SDK1: variants seen among roughly 807,000 people sequenced by gnomAD.
SDK1 encodes the protein protein sidekick-1.
SDK1 carries 157 observed loss-of-function variants against 245.5 expected under a neutral mutation model. That is an observed-to-expected ratio of 0.64 (90% confidence interval 0.56 to 0.73). The LOEUF is 0.73. Ranked by LOEUF, SDK1 falls within the 30% of genes least tolerant of loss-of-function variation. The pLI is 0.00. For missense variants in SDK1, 3,583 were observed against 3,002.3 expected (o/e 1.19, Z -4.52); for synonymous variants, 1,647 against 1,278.5 (o/e 1.29, Z -6.15).
chr7:4,003,814 A>T (rs1374150417), intron 14 of SDK1, among the ~76,000 whole-genome samples: 1 of 152,202 alleles, frequency 6.6e-6, no homozygotes, highest in Non-Finnish European at 1.5e-5. Context: ...GTCTAGAGAG[A>T]CAGTCTGTTG....
At chr7:4,227,183 A>G in intron 40 of SDK1, 1 of 317,954 alleles carries the variant, frequency 3.1e-6, no homozygotes, top group Non-Finnish European at 6.2e-6. Flanking sequence ...CATCCATAGA[A>G]GTTCCAAGTC....
intron 1 of SDK1, among the ~76,000 whole-genome samples, chr7:3,609,630 G>C (rs1449211638): frequency 6.6e-6 from 1 of 152,094 alleles, no homozygotes; most frequent in African/African-American, 2.4e-5. Context: ...TCGATTTCCT[G>C]ATCTTATGAT....
intron 1 of SDK1, among the ~76,000 whole-genome samples, chr7:3,417,187 A>G (rs1018296773): frequency 4.6e-5 from 7 of 152,168 alleles, no homozygotes; most frequent in Non-Finnish European, 8.8e-5. Context: ...AACAAAAAAT[A>G]ACAAAAAAAC....
chr7:3,749,789 T>A (rs1454256097), intron 4 of SDK1, among the ~76,000 whole-genome samples: 1 of 152,120 alleles, frequency 6.6e-6, no homozygotes, highest in Admixed American at 6.5e-5. Flanking sequence ...CTAATGGTAG[T>A]CATGGACCCT....
In SDK1 at chr7:3,774,712, T is replaced by A. The variant is rs965544220; in HGVS notation, c.714-46738T>A. On this transcript the variant is annotated intron_variant, in intron 4 of 44. Coordinates refer to ENST00000404826, the MANE Select transcript of SDK1 (RefSeq NM_152744.4). ...TTCCCAGAATCATCCTCTGTATCATTTTTATAATCTGAAAAAAATAGTTGT... is the reference window on the plus strand; with the variant it reads ...TTCCCAGAATCATCCTCTGTATCATATTTATAATCTGAAAAAAATAGTTGT... Among the ~76,000 whole-genome samples, 4 of 152,292 alleles carry A rather than the reference T, an allele frequency of 2.6e-5. No individual in the cohort carries two copies. The East Asian group carries it at 7.7e-4, about 29-fold the overall frequency.
At chr7:3,611,459 G>A (rs1781585421) in intron 1 of SDK1, among the ~76,000 whole-genome samples, 1 of 152,162 alleles carries the variant, frequency 6.6e-6, no homozygotes, top group Admixed American at 6.5e-5. Context: ...GAACTGCCCT[G>A]TCCTCACTGC....
intron 1 of SDK1, among the ~76,000 whole-genome samples, chr7:3,456,539 C>G (rs1186614356): frequency 6.6e-6 from 1 of 152,114 alleles, no homozygotes; most frequent in African/African-American, 2.4e-5. Flanking sequence ...TTGTATTTTT[C>G]AGTTCTTTAA....
intron 8 of SDK1, among the ~76,000 whole-genome samples, chr7:3,961,119 A>G (rs1249299098): frequency 1.3e-5 from 2 of 152,224 alleles, no homozygotes; most frequent in Admixed American, 6.5e-5. Flanking sequence ...TATAGAGACA[A>G]CAGATCTTCC....
chr7:4,241,969 G>C, intron 43 of SDK1, 56 bp downstream of exon 43: 2 of 1,591,768 alleles, frequency 1.3e-6, no homozygotes, highest in African/African-American at 1.3e-5. Flanking sequence ...CCAGGGCTGG[G>C]GTGGCAGCCC....
chr7:4,196,203 C>G (rs915640228), intron 35 of SDK1, among the ~76,000 whole-genome samples: 4 of 152,178 alleles, frequency 2.6e-5, no homozygotes, highest in African/African-American at 7.2e-5. Context: ...CTGGTCACTG[C>G]AACTGGTGGA....
chr7:3,706,449 T>A (rs763132533), intron 4 of SDK1, among the ~76,000 whole-genome samples: 10 of 152,228 alleles, frequency 6.6e-5, no homozygotes, highest in Non-Finnish European at 1.3e-4. Context: ...TCACCCAGGC[T>A]GGAGTGCAGT....
chr7:3,391,456 C>T (rs920569512), intron 1 of SDK1, among the ~76,000 whole-genome samples: 6 of 149,608 alleles, frequency 4.0e-5, no homozygotes, highest in Middle Eastern at 3.5e-3. Flanking sequence ...CTTAAGCGTA[C>T]ATTTGGAAGT....
At chr7:3,724,696 A>G (rs1372272260) in intron 4 of SDK1, among the ~76,000 whole-genome samples, 1 of 152,210 alleles carries the variant, frequency 6.6e-6, no homozygotes, top group African/African-American at 2.4e-5. Flanking sequence ...GAGGTGATTC[A>G]GAGACACGGG....
At chr7:3,923,011 A>G (rs572526079) in intron 5 of SDK1, among the ~76,000 whole-genome samples, 75 of 152,254 alleles carry the variant, frequency 4.9e-4, no homozygotes, top group African/African-American at 1.8e-3. Context: ...CACTGATTTG[A>G]TTGTATGCAC....
rs1049216073 is a variant in SDK1, at chr7:4,225,292, A to G, written c.5827+3928A>G. ...TCTTACAACCGCTTGGGACTCTTCAACTACCTCAAAATGATATGTTTAGCG... is the reference window on the plus strand; with the variant it reads ...TCTTACAACCGCTTGGGACTCTTCAGCTACCTCAAAATGATATGTTTAGCG... On this transcript the variant is annotated intron_variant, in intron 40 of 44. Coordinates refer to ENST00000404826, the MANE Select transcript of SDK1 (RefSeq NM_152744.4). Among the ~76,000 whole-genome samples the G allele has an allele frequency of 5.3e-5, 8 of 152,280 alleles. No individual in the cohort carries two copies. The East Asian group carries it at 1.4e-3, about 26-fold the overall frequency.
In SDK1 at chr7:3,895,702, C is replaced by G. The variant is rs1363807087; in HGVS notation, c.848-55221C>G. On this transcript the variant is annotated intron_variant, in intron 5 of 44. Coordinates refer to ENST00000404826, the MANE Select transcript of SDK1 (RefSeq NM_152744.4). ...AGATCCCTGAAGTCAGACCTTTCTT[C>G]TTTTCTAGTGTAAGTGCTTGATGCC... Among the ~76,000 whole-genome samples, 3 of 152,150 alleles carry G rather than the reference C, an allele frequency of 2.0e-5. No individual in the cohort carries two copies. The East Asian group carries it at 5.8e-4, about 29-fold the overall frequency.
chr7:3,437,762 A>G (rs753905547), intron 1 of SDK1, among the ~76,000 whole-genome samples: 6 of 152,196 alleles, frequency 3.9e-5, no homozygotes, highest in South Asian at 2.1e-4. Flanking sequence ...CAAAAAATTA[A>G]TAATACTAAA....
intron 4 of SDK1, among the ~76,000 whole-genome samples, chr7:3,779,793 G>A (rs868201757): frequency 3.9e-5 from 6 of 151,948 alleles, no homozygotes; most frequent in African/African-American, 7.3e-5. Context: ...TTAGCCGGGC[G>A]CGGTGGCGGG....
chr7:3,744,485 GA>G (rs1779561323), intron 4 of SDK1, among the ~76,000 whole-genome samples: 1 of 151,736 alleles, frequency 6.6e-6, no homozygotes, highest in Non-Finnish European at 1.5e-5. Flanking sequence ...TATCATCAAT[GA>G]AAAAAAGAAA....
Sources: gnomAD v4.1 joint callset for allele counts (sites outside exome capture counted in the v4.1 genomes callset) on GRCh38, gnomAD v4.1.1 for gene constraint, MANE v1.5 for transcripts, NCBI Gene and HGNC (gene_info 2026-07-23, HGNC 2026-07-21) for gene names.